Variants in TCF7L2 observed in about 807,000 individuals in gnomAD.
The protein encoded by TCF7L2 is transcription factor 7 like 2.
In TCF7L2, 23 loss-of-function variants were observed where a neutral mutation model predicts 77.9. The ratio of observed to expected loss-of-function variants is 0.30; its 90% CI spans 0.21 to 0.42. TCF7L2 has a LOEUF of 0.42. Ranked by LOEUF, TCF7L2 falls within the 10% of genes least tolerant of loss-of-function variation. TCF7L2 has a pLI of 1.00. For missense variants in TCF7L2, 654 were observed against 793.1 expected (o/e 0.82, Z 2.11); for synonymous variants, 413 against 340.2 (o/e 1.21, Z -2.36).
intron 5 of TCF7L2, among the ~76,000 whole-genome samples, chr10:113,123,524 G>C (rs887630696): frequency 2.6e-5 from 4 of 152,208 alleles, no homozygotes; most frequent in Non-Finnish European, 5.9e-5. Context: ...CTAAAATAAA[G>C]GAACATATCT....
intron 4 of TCF7L2, among the ~76,000 whole-genome samples, chr10:112,966,243 C>T (rs1231924479): frequency 2.1e-5 from 3 of 140,396 alleles, no homozygotes; most frequent in East Asian, 2.1e-4. Context: ...GCAGTTGTGC[C>T]GCCAACCTTC....
intron 4 of TCF7L2, among the ~76,000 whole-genome samples, chr10:113,032,414 A>C (rs950540088): frequency 6.6e-6 from 1 of 152,194 alleles, no homozygotes; most frequent in African/African-American, 2.4e-5. Context: ...TGTCTTCATC[A>C]CACCAGGGGC....
chr10:113,090,428 G>C (rs1001481380), intron 5 of TCF7L2, among the ~76,000 whole-genome samples: 1 of 152,336 alleles, frequency 6.6e-6, no homozygotes, highest in East Asian at 1.9e-4. Flanking sequence ...GCCTCCAGCA[G>C]GCAGAGACCT....
intron 4 of TCF7L2, among the ~76,000 whole-genome samples, chr10:113,035,074 G>T (rs1331769068): frequency 1.3e-5 from 2 of 150,726 alleles, no homozygotes; most frequent in Non-Finnish European, 2.9e-5. Context: ...TTTCCAGTCA[G>T]AATTGCTCAG....
chr10:113,071,898 T>C (rs186277460), intron 5 of TCF7L2, among the ~76,000 whole-genome samples: 1 of 152,174 alleles, frequency 6.6e-6, no homozygotes, highest in Non-Finnish European at 1.5e-5. Context: ...GCTGGGACTG[T>C]GGATGCTGGA....
intron 5 of TCF7L2, among the ~76,000 whole-genome samples, chr10:113,095,124 A>C (rs529794648): frequency 2.0e-5 from 3 of 152,270 alleles, no homozygotes; most frequent in Non-Finnish European, 2.9e-5. Flanking sequence ...AAAACAAAAA[A>C]CAAAAAACCA....
intron 5 of TCF7L2, among the ~76,000 whole-genome samples, chr10:113,042,179 C>T (rs11196200): frequency 6.6e-6 from 1 of 152,056 alleles, no homozygotes; most frequent in Admixed American, 6.5e-5. Flanking sequence ...GAGGAGATGG[C>T]AAAACATTCC....
chr10:112,960,975 G>A (rs533688160), intron 3 of TCF7L2, among the ~76,000 whole-genome samples: 46 of 152,260 alleles, frequency 3.0e-4, no homozygotes, highest in Non-Finnish European at 5.4e-4. Flanking sequence ...TTACAGGCGC[G>A]AGCCATTGCG....
intron 4 of TCF7L2, among the ~76,000 whole-genome samples, chr10:113,019,811 TC>T (rs1335503308): frequency 1.4e-5 from 2 of 146,774 alleles, no homozygotes; most frequent in Non-Finnish European, 3.0e-5. Flanking sequence ...TTTTTTTTTT[TC>T]ATGTGGACTT....
intron 5 of TCF7L2, among the ~76,000 whole-genome samples, chr10:113,081,112 C>A (rs1454905980): frequency 6.6e-6 from 1 of 152,216 alleles, no homozygotes; most frequent in Non-Finnish European, 1.5e-5. Context: ...GTAGCTAGAT[C>A]TCCTAATACA....
intron 4 of TCF7L2, among the ~76,000 whole-genome samples, chr10:112,974,095 TTATCA>T (rs2038886012): frequency 6.6e-6 from 1 of 152,188 alleles, no homozygotes; most frequent in Non-Finnish European, 1.5e-5. Context: ...CCAGGAGAGG[TTATCA>T]TCTTGTCTAA....
intron 5 of TCF7L2, among the ~76,000 whole-genome samples, chr10:113,066,134 G>T (rs946516510): frequency 6.6e-6 from 1 of 152,110 alleles, no homozygotes; most frequent in Non-Finnish European, 1.5e-5. Flanking sequence ...AGGCCGAGGA[G>T]GGCGGATCAC....
chr10:113,090,734 C>T (rs1041834241), intron 5 of TCF7L2, among the ~76,000 whole-genome samples: 2 of 152,118 alleles, frequency 1.3e-5, no homozygotes, highest in Non-Finnish European at 2.9e-5. Context: ...CTCAGCCTCC[C>T]GAGTAGCTGG....
intron 4 of TCF7L2, among the ~76,000 whole-genome samples, chr10:112,975,798 A>G (rs986721272): frequency 4.6e-5 from 7 of 152,170 alleles, no homozygotes; most frequent in African/African-American, 1.7e-4. Flanking sequence ...GTGTTTATTT[A>G]GCACCATTCA....
intron 5 of TCF7L2, among the ~76,000 whole-genome samples, chr10:113,106,495 T>C (rs2062337721): frequency 6.6e-6 from 1 of 152,248 alleles, no homozygotes; most frequent in African/African-American, 2.4e-5. Context: ...GTGTGTGAAA[T>C]TCAGTGTGTT....
intron 4 of TCF7L2, among the ~76,000 whole-genome samples, chr10:112,974,880 G>T (rs1355357916): frequency 6.6e-6 from 1 of 152,140 alleles, no homozygotes; most frequent in Non-Finnish European, 1.5e-5. Context: ...ACATTTACAG[G>T]CTTATCAGGC....
intron 4 of TCF7L2, among the ~76,000 whole-genome samples, chr10:112,974,148 A>G (rs1242722593): frequency 1.3e-5 from 2 of 152,250 alleles, no homozygotes; most frequent in African/African-American, 2.4e-5. Flanking sequence ...AGATAAAATA[A>G]AACAATCTAG....
chr10:113,063,536 C>T (rs753078283), intron 5 of TCF7L2, among the ~76,000 whole-genome samples: 65 of 152,050 alleles, frequency 4.3e-4, no homozygotes, highest in African/African-American at 5.3e-4. Flanking sequence ...GAGAGGAGAG[C>T]GGGAGATGGG....
Position 113,160,645 on chromosome 10 carries a change from G to A in TCF7L2, c.1345G>A (p.Ala449Thr), listed in dbSNP as rs2137463638. 6.3e-7 allele frequency: 1 copy of A among 1,597,716 alleles called. No individual in the cohort carries two copies. The highest frequency in any genetic ancestry group is 8.5e-7 in the Non-Finnish European group (1 of 1,171,772). The change falls in exon 13 of 14, where the codon GCA becomes ACA. Residue 449 changes from alanine to threonine, a missense_variant. Ala to Thr is a moderately conservative substitution (Grantham distance 58). This residue lies in a region of TCF7L2 where 272 missense variants were observed against 215.4 expected (regional missense o/e 1.26). Transcript: ENST00000627217. ...TGCAAATACTCCAAAGAAGTGTCGGGCACTGTTCGGGCTTGACCGACAGAC... is the reference window on the plus strand; with the variant it reads ...TGCAAATACTCCAAAGAAGTGTCGGACACTGTTCGGGCTTGACCGACAGAC...
Sources: gnomAD v4.1 joint callset for allele counts (sites outside exome capture counted in the v4.1 genomes callset) on GRCh38, gnomAD v4.1.1 for gene constraint, gnomAD v4.1.1 regional missense constraint, MANE v1.5 for transcripts, NCBI Gene and HGNC (gene_info 2026-07-23, HGNC 2026-07-21) for gene names.